PSMD12: variants seen among roughly 807,000 people sequenced by gnomAD.
PSMD12 encodes 26S proteasome non-ATPase regulatory subunit 12.
PSMD12 carries 8 observed loss-of-function variants against 62.9 expected under a neutral mutation model. The observed-to-expected ratio is 0.13, with a 90% CI of 0.07 to 0.23. The LOEUF is 0.23. Among genes scored for constraint, PSMD12 ranks in the 10% least tolerant of loss-of-function variants. PSMD12 has a pLI of 1.00. For synonymous variants in PSMD12, 173 were observed against 187.4 expected (o/e 0.92, Z 0.63); for missense variants, 424 against 550.2 (o/e 0.77, Z 2.29).
At position 67,344,592 on chromosome 17, in the gene PSMD12, T is replaced by G. The variant is rs1209414180; in HGVS notation, c.1083+14A>C. ...GTTAAAATAAAAATTGTCATCTCTA[T>G]GACAGATTCTTACATGTTCAACAAC... is the stretch of plus-strand genomic sequence containing the variant. On this transcript the variant is annotated intron_variant, in intron 9 of 10. Coordinates refer to ENST00000356126, the MANE Select transcript of PSMD12 (RefSeq NM_002816.5). 10 of 1,580,010 alleles carry G rather than the reference T, an allele frequency of 6.3e-6. No homozygotes were observed. The highest frequency in any genetic ancestry group is 8.6e-6 in the Non-Finnish European group (10 of 1,160,198).
chr17:67,360,046 C>G (rs1439401899), intron 1 of PSMD12, among the ~76,000 whole-genome samples: 2 of 152,178 alleles, frequency 1.3e-5, no homozygotes, highest in African/African-American at 2.4e-5. Flanking sequence ...GCTCCTGCCT[C>G]AAGCTCCAAA....
At chr17:67,357,261 C>T in intron 3 of PSMD12, 42 bp downstream of exon 3, 1 of 1,574,210 alleles carries the variant, frequency 6.4e-7, no homozygotes, top group Non-Finnish European at 8.6e-7. Context: ...TTCTGAAATA[C>T]AAATGCTTTT....
intron 1 of PSMD12, among the ~76,000 whole-genome samples, chr17:67,362,052 C>CA (rs1567961925): frequency 6.6e-6 from 1 of 151,836 alleles, no homozygotes; most frequent in Non-Finnish European, 1.5e-5. Context: ...TGATTTTTCA[C>CA]AAAAAAGATT....
At chr17:67,365,996 G>A (rs577878118) in intron 1 of PSMD12, among the ~76,000 whole-genome samples, 1 of 152,218 alleles carries the variant, frequency 6.6e-6, no homozygotes, top group Non-Finnish European at 1.5e-5. Flanking sequence ...CAAAGACCAG[G>A]CACATAGCCA....
intron 4 of PSMD12, among the ~76,000 whole-genome samples, chr17:67,349,274 C>T (rs1447419611): frequency 1.3e-5 from 2 of 152,210 alleles, no homozygotes; most frequent in African/African-American, 4.8e-5. Flanking sequence ...CCACCTCGGC[C>T]TCCCAAGGTG....
At chr17:67,355,969 TACACACACACACACACACACACAC>T (rs59875246) in intron 3 of PSMD12, among the ~76,000 whole-genome samples, 9 of 145,742 alleles carry the variant, frequency 6.2e-5, no homozygotes, top group African/African-American at 1.5e-4. Flanking sequence ...CCCCCATTTC[TACACACACACACACACACACACAC>T]ACACACACAC....
chr17:67,360,324 T>G (rs147036809), intron 1 of PSMD12, among the ~76,000 whole-genome samples: 38 of 152,342 alleles, frequency 2.5e-4, no homozygotes, highest in African/African-American at 8.4e-4. Context: ...TGTGAGAGAA[T>G]CACACATTGG....
At chr17:67,353,992 T>A (rs2042043270) in intron 3 of PSMD12, among the ~76,000 whole-genome samples, 1 of 146,240 alleles carries the variant, frequency 6.8e-6, no homozygotes, top group South Asian at 2.1e-4. Context: ...AAAGATGTGC[T>A]ATGATTACTT....
intron 1 of PSMD12, among the ~76,000 whole-genome samples, chr17:67,359,026 T>C (rs1289489433): frequency 2.6e-5 from 4 of 152,186 alleles, no homozygotes; most frequent in Non-Finnish European, 5.9e-5. Context: ...GAACCACACA[T>C]TTTGATAAAA....
chr17:67,360,958 A>C (rs1374860147), intron 1 of PSMD12: 1 of 151,972 alleles, frequency 6.6e-6, no homozygotes, highest in East Asian at 1.9e-4. Flanking sequence ...TTTTTCTCCC[A>C]ATCTTCCACA....
chr17:67,364,290 T>A (rs1264336443), intron 1 of PSMD12, among the ~76,000 whole-genome samples: 1 of 152,206 alleles, frequency 6.6e-6, no homozygotes, highest in Admixed American at 6.5e-5. Context: ...CATTCTTTTT[T>A]TTAAACACTT....
intron 1 of PSMD12, among the ~76,000 whole-genome samples, chr17:67,358,160 C>G (rs2042094263): frequency 6.6e-6 from 1 of 152,032 alleles, no homozygotes; most frequent in African/African-American, 2.4e-5. Flanking sequence ...TGACCTCAAG[C>G]GATCATCCCA....
chr17:67,363,932 C>A (rs2042156655), intron 1 of PSMD12, among the ~76,000 whole-genome samples: 2 of 151,960 alleles, frequency 1.3e-5, no homozygotes, highest in African/African-American at 4.8e-5. Flanking sequence ...GCCGGTAATC[C>A]CAGATACTCG....
intron 3 of PSMD12, among the ~76,000 whole-genome samples, chr17:67,354,517 T>C (rs16960829): frequency 0.016 from 2,389 of 152,328 alleles, 65 homozygotes; most frequent in African/African-American, 0.053. Context: ...ATTGTCCTAA[T>C]ACTACATAAA....
chr17:67,364,454 A>T (rs1174795797), intron 1 of PSMD12, among the ~76,000 whole-genome samples: 1 of 152,246 alleles, frequency 6.6e-6, no homozygotes, highest in African/African-American at 2.4e-5. Flanking sequence ...ACTGATCTAT[A>T]AGCTGTTCGA....
At chr17:67,359,093 G>A (rs947512402) in intron 1 of PSMD12, among the ~76,000 whole-genome samples, 1 of 152,064 alleles carries the variant, frequency 6.6e-6, no homozygotes. Context: ...GGTGTCTCAC[G>A]CACTGTAATC....
At chr17:67,344,893 G>A in intron 8 of PSMD12, 113 bp from the exon 9 acceptor site, 1 of 866,808 alleles carries the variant, frequency 1.2e-6, no homozygotes, top group East Asian at 2.7e-5. Flanking sequence ...ATTTTATTTA[G>A]TAGAATGAGA....
In PSMD12 at chr17:67,345,815, C is replaced by G. The variant is rs1161193284; in HGVS notation, c.838G>C (p.Asp280His). 2 of 1,613,842 alleles carry G rather than the reference C, an allele frequency of 1.2e-6. No homozygotes were observed. The highest frequency in any genetic ancestry group is 1.1e-5 in the South Asian group (1 of 91,070). ...VVLYVILAPF[D>H]NEQSDLVHRI... ...TGAACCAAATCTGACTGTTCATTGT[C>G]AAAAGGAGCCAGGATAACATAGAGT... Residue 280 changes from aspartate to histidine, a missense_variant, in exon 8 of 11, where the codon GAC becomes CAC. By Grantham distance (81) the Asp-to-His change is moderately conservative. Transcript: ENST00000356126.
intron 9 of PSMD12, among the ~76,000 whole-genome samples, chr17:67,344,227 C>T (rs2041942300): frequency 6.6e-6 from 1 of 152,118 alleles, no homozygotes; most frequent in South Asian, 2.1e-4. Flanking sequence ...CCCCATTCTT[C>T]GGAAATTCTG....
Sources: gnomAD v4.1 joint callset for allele counts (sites outside exome capture counted in the v4.1 genomes callset) on GRCh38, gnomAD v4.1.1 for gene constraint, MANE v1.5 for transcripts, NCBI Gene and HGNC (gene_info 2026-07-23, HGNC 2026-07-21) for gene names.